Variants in CDK13 observed in about 807,000 individuals in gnomAD.
The protein encoded by CDK13 is cyclin-dependent kinase 13.
A neutral mutation model predicts 137.6 loss-of-function variants in CDK13; 40 were observed. That is an observed-to-expected ratio of 0.29 (90% CI 0.23 to 0.38). The LOEUF is 0.38. Ranked by LOEUF, CDK13 falls within the 10% of genes least tolerant of loss-of-function variation. CDK13 has a pLI of 1.00. For missense variants in CDK13, 1,704 were observed against 1,951.8 expected (o/e 0.87, Z 2.39); for synonymous variants, 869 against 760.1 (o/e 1.14, Z -2.36).
intron 1 of CDK13, among the ~76,000 whole-genome samples, chr7:39,977,369 C>T (rs1784132939): frequency 6.6e-6 from 1 of 152,148 alleles, no homozygotes. Flanking sequence ...TGAGCATCTA[C>T]CACTGCTAGG....
At chr7:40,075,733 G>T (rs1273380873) in intron 9 of CDK13, among the ~76,000 whole-genome samples, 1 of 152,148 alleles carries the variant, frequency 6.6e-6, no homozygotes, top group African/African-American at 2.4e-5. Flanking sequence ...TGTGGACTGG[G>T]TGCAGCGGCC....
rs1234079384 is a variant in CDK13, at chr7:39,950,364, C to T, written c.-278C>T. 14 of 1,202,894 alleles carry T rather than the reference C, an allele frequency of 1.2e-5. No homozygotes were observed. The highest frequency in any genetic ancestry group is 1.4e-5 in the Non-Finnish European group (14 of 969,884). 74.5% of individuals were successfully genotyped at this position (1,202,894 alleles called of 1,614,324 possible). A position where few individuals can be genotyped will look rare whatever the true frequency, so the allele number is the denominator to read the frequency against. The stretch of plus-strand genomic sequence containing the variant: ...CCCCGCAGGTCAGCGCCCGGCGCAT[C>T]TGGTGTTTTCGCTGCCGAGGATAGG... On this transcript the variant is annotated 5_prime_UTR_variant, in exon 1 of 14. Coordinates refer to ENST00000181839, the MANE Select transcript of CDK13 (RefSeq NM_003718.5).
chr7:40,023,614 C>T (rs1021840693), intron 5 of CDK13, among the ~76,000 whole-genome samples: 29 of 152,052 alleles, frequency 1.9e-4, no homozygotes, highest in Non-Finnish European at 3.7e-4. Flanking sequence ...ATTCTCCTGC[C>T]TCAGCCTTCA....
rs746082129 is a variant in CDK13 at position 40,094,937 on chromosome 7, G to C, written c.4496G>C (p.Ser1499Thr). 5 of 1,447,216 alleles carry C rather than the reference G, an allele frequency of 3.5e-6. No individual in the cohort carries two copies. The highest frequency in any genetic ancestry group is 1.8e-4 in the Middle Eastern group (1 of 5,432). The allele number at this position is 1,447,216 out of a possible 1,614,324, so 89.6% of individuals were successfully genotyped here. The change falls in exon 14 of 14, where the codon AGC (serine) becomes ACC (threonine). Residue 1499 changes from serine to threonine, a missense_variant. Ser to Thr is a moderately conservative substitution (Grantham distance 58). This residue lies in a region of CDK13 where 475 missense variants were observed against 579.3 expected (regional missense o/e 0.82). Transcript: ENST00000181839. ...GYSQGYRGHISTSTGRGRGRG... is the reference protein window; with the variant it reads ...GYSQGYRGHITTSTGRGRGRG... ...TCACAAGGATACAGGGGACATATTA[G>C]CACATCAACTGGCAGAGGCAGAGGC...
At chr7:39,962,924 A>T (rs937975710) in intron 1 of CDK13, among the ~76,000 whole-genome samples, 7 of 152,232 alleles carry the variant, frequency 4.6e-5, no homozygotes, top group African/African-American at 1.4e-4. Flanking sequence ...GTCAAAGATC[A>T]GATGGTTGTA....
intron 11 of CDK13, among the ~76,000 whole-genome samples, chr7:40,086,070 A>G (rs1008927076): frequency 2.0e-5 from 3 of 152,176 alleles, no homozygotes; most frequent in Non-Finnish European, 2.9e-5. Flanking sequence ...ATATTTTAAA[A>G]ATTTTAGTTG....
intron 1 of CDK13, among the ~76,000 whole-genome samples, chr7:39,953,285 A>G (rs900475444): frequency 1.3e-5 from 2 of 152,232 alleles, no homozygotes; most frequent in African/African-American, 2.4e-5. Context: ...TCATTCATCA[A>G]AATTAGCCAT....
chr7:40,074,744 C>T (rs1162006780), intron 9 of CDK13, among the ~76,000 whole-genome samples: 1 of 151,278 alleles, frequency 6.6e-6, no homozygotes, highest in Admixed American at 6.6e-5. Flanking sequence ...TCATTTGAGA[C>T]CGGGAGGTCG....
At chr7:40,001,560 A>G (rs1205619914) in intron 4 of CDK13, among the ~76,000 whole-genome samples, 1 of 152,064 alleles carries the variant, frequency 6.6e-6, no homozygotes, top group Non-Finnish European at 1.5e-5. Flanking sequence ...GTGAATGTAA[A>G]AGCATCTTAG....
intron 1 of CDK13, 87 bp downstream of exon 1, chr7:39,951,939 A>T: frequency 2.4e-6 from 3 of 1,260,648 alleles, no homozygotes; most frequent in Non-Finnish European, 3.0e-6. Context: ...GGGTCCTCAG[A>T]ACGACTCAGG....
At chr7:39,963,842 T>A (rs1427185042) in intron 1 of CDK13, among the ~76,000 whole-genome samples, 1 of 152,194 alleles carries the variant, frequency 6.6e-6, no homozygotes, top group Non-Finnish European at 1.5e-5. Context: ...ATTGTTGAAT[T>A]TTGTCAAAGG....
intron 2 of CDK13, among the ~76,000 whole-genome samples, chr7:39,989,886 C>T (rs1039311792): frequency 6.6e-6 from 1 of 151,634 alleles, no homozygotes; most frequent in Non-Finnish European, 1.5e-5. Context: ...GGGTTCATGC[C>T]GTTCTTCTGC....
At chr7:40,023,170 A>G (rs1050313874) in intron 5 of CDK13, among the ~76,000 whole-genome samples, 6 of 148,096 alleles carry the variant, frequency 4.1e-5, no homozygotes, top group Non-Finnish European at 8.9e-5. Flanking sequence ...TCGGCTTACC[A>G]CAACCTCTGC....
chr7:40,021,058 T>C (rs1760576372), intron 5 of CDK13, among the ~76,000 whole-genome samples: 1 of 148,824 alleles, frequency 6.7e-6, no homozygotes, highest in African/African-American at 2.5e-5. Context: ...GCCACTGCAC[T>C]CCAGCCTGGT....
intron 7 of CDK13, among the ~76,000 whole-genome samples, chr7:40,052,739 T>G (rs1785921530): frequency 6.6e-6 from 1 of 152,180 alleles, no homozygotes; most frequent in African/African-American, 2.4e-5. Context: ...AAGGTATTAA[T>G]GAGAGAGGAA....
At chr7:40,065,114 G>A (rs866040408) in intron 9 of CDK13, among the ~76,000 whole-genome samples, 24 of 151,522 alleles carry the variant, frequency 1.6e-4, no homozygotes, top group Middle Eastern at 6.8e-3. Flanking sequence ...AAGTAAAAAG[G>A]GTTAAGAAGA....
In CDK13 at chr7:40,001,916, A is replaced by C; in HGVS notation, c.2238A>C (p.Pro746=). 2 of 1,611,134 alleles carry C rather than the reference A, an allele frequency of 1.2e-6. No homozygotes were observed. Among genetic ancestry groups the C allele is most frequent in the East Asian group, 2.2e-5 (1 of 44,726 alleles). ...TGGATAATGAAAAGGAAGGCTTTCC[A>C]ATTACAGCAATTCGAGAAATTAAAA... ...VRLDNEKEGF[P]ITAIREIKIL... is the part of the protein sequence containing the mutation. The change falls in exon 5 of 14, where the codon CCA becomes CCC. Residue 746 remains proline (P), a synonymous_variant. Coordinates refer to ENST00000181839, the MANE Select transcript of CDK13 (RefSeq NM_003718.5).
intron 13 of CDK13, 109 bp from the exon 14 acceptor site, chr7:40,094,021 G>C (rs1310985217): frequency 1.5e-6 from 2 of 1,299,756 alleles, no homozygotes; most frequent in African/African-American, 3.0e-5. Flanking sequence ...TTTTGCCAGA[G>C]ATGGAACTTC....
chr7:40,081,468 C>T (rs940737896), intron 11 of CDK13, among the ~76,000 whole-genome samples: 4 of 152,060 alleles, frequency 2.6e-5, no homozygotes, highest in Admixed American at 6.6e-5. Context: ...AGCAGTTGTA[C>T]GTTGTTCCAT....
Sources: gnomAD v4.1 joint callset for allele counts (sites outside exome capture counted in the v4.1 genomes callset) on GRCh38, gnomAD v4.1.1 for gene constraint, gnomAD v4.1.1 regional missense constraint, MANE v1.5 for transcripts, NCBI Gene and HGNC (gene_info 2026-07-23, HGNC 2026-07-21) for gene names.